KBTBD11: variants seen among roughly 807,000 people sequenced by gnomAD.
KBTBD11 encodes the protein kelch repeat and BTB domain-containing protein 11.
For synonymous variants in KBTBD11, 747 were observed against 499.0 expected (o/e 1.50, Z -6.63); for missense variants, 1,390 against 1,001.8 (o/e 1.39, Z -5.23).
chr8:1,992,304 G>A (rs1816948929), intron 1 of KBTBD11, among the ~76,000 whole-genome samples: 1 of 152,134 alleles, frequency 6.6e-6, no homozygotes, highest in Non-Finnish European at 1.5e-5. Context: ...CACCTGCACA[G>A]TTCCTGCACA....
intron 1 of KBTBD11, among the ~76,000 whole-genome samples, chr8:1,977,501 A>G (rs899565113): frequency 6.6e-6 from 1 of 152,020 alleles, no homozygotes; most frequent in Admixed American, 6.6e-5. Flanking sequence ...GTCCTCCTGC[A>G]GTAGTCAGAA....
At chr8:1,999,736 C>T (rs1817271231) in intron 1 of KBTBD11, among the ~76,000 whole-genome samples, 1 of 152,178 alleles carries the variant, frequency 6.6e-6, no homozygotes, top group Admixed American at 6.5e-5. Context: ...TGAATTCATG[C>T]TGTTGGCTGA....
Position 2,002,806 on chromosome 8 carries a change from C to A in KBTBD11, c.1614C>A (p.Val538=), listed in dbSNP as rs765045867. ...HCLAKQWSPC[V]APLRLPGGPT... ...TGGCCAAGCAGTGGAGCCCGTGCGT[C>A]GCGCCCCTGCGCCTCCCCGGCGGCC... The change falls in exon 2 of 2, where the codon GTC becomes GTA. Residue 538 remains valine (V), a synonymous_variant. Coordinates refer to ENST00000320248, the MANE Select transcript of KBTBD11 (RefSeq NM_014867.3). This position sits in a 1 kb window ranked among gnomAD's most constrained non-coding sequence, Gnocchi z 4.1. 1 of 1,438,938 alleles carries A rather than the reference C, an allele frequency of 6.9e-7. No homozygotes were observed. The highest frequency in any genetic ancestry group is 9.1e-7 in the Non-Finnish European group (1 of 1,104,708). The allele number at this position is 1,438,938 out of a possible 1,614,324, so 89.1% of individuals were successfully genotyped here. A position where few individuals can be genotyped will look rare whatever the true frequency, so the allele number is the denominator to read the frequency against.
In KBTBD11 at chr8:2,001,552, C is replaced by T. The variant is rs1585760616; in HGVS notation, c.360C>T (p.Pro120=). The change falls in exon 2 of 2, where the codon CCC becomes CCT. Residue 120 remains proline, a synonymous_variant. Transcript: ENST00000320248. ...TTTGGCTTGAGGACCCCGCGTCCCC[C>T]GAGGAGCCCGGGGAGCCCGCGCCCG... ...PRVWLEDPAS[P]EEPGEPAPVP... 1 of 1,437,294 alleles carries T rather than the reference C, an allele frequency of 7.0e-7. No homozygotes were observed. Among genetic ancestry groups the T allele is most frequent in the South Asian group, 1.4e-5 (1 of 73,286 alleles). The allele number at this position is 1,437,294 out of a possible 1,614,324, so 89.0% of individuals were successfully genotyped here.
intron 1 of KBTBD11, among the ~76,000 whole-genome samples, chr8:1,988,296 G>A (rs1315955915): frequency 6.6e-6 from 1 of 152,190 alleles, no homozygotes; most frequent in Non-Finnish European, 1.5e-5. Flanking sequence ...AGATCCCTGA[G>A]GAATCGCCAA....
chr8:1,977,186 A>G (rs1210806517), intron 1 of KBTBD11, among the ~76,000 whole-genome samples: 2 of 152,060 alleles, frequency 1.3e-5, no homozygotes, highest in Non-Finnish European at 2.9e-5. Context: ...AAAAGATTGG[A>G]GACCCCTGCT....
intron 1 of KBTBD11, among the ~76,000 whole-genome samples, chr8:1,997,488 A>C (rs930531415): frequency 6.6e-6 from 1 of 152,046 alleles, no homozygotes; most frequent in Non-Finnish European, 1.5e-5. Context: ...CATTTCCCAC[A>C]TGGTGTGTGA....
chr8:2,002,198 G>C lies in KBTBD11; in HGVS notation c.1006G>C (p.Glu336Gln). ...AVYCFHAAAG[E>Q]WRELTRLPEG... ...CTACTGCTTCCACGCGGCGGCCGGA[G>C]AGTGGCGCGAGCTGACGCGGCTGCC... is the stretch of plus-strand genomic sequence containing the variant. The change falls in exon 2 of 2, where the codon GAG (glutamate) becomes CAG (glutamine). Residue 336 changes from glutamate (E) to glutamine (Q), a missense_variant. Glu to Gln is a conservative substitution (Grantham distance 29). Transcript: ENST00000320248. The surrounding 1 kb of genome is among the most constrained non-coding windows in gnomAD (Gnocchi z 4.1). The C allele has an allele frequency of 1.6e-6, 2 of 1,257,652 alleles. No individual in the cohort carries two copies. Among genetic ancestry groups the C allele is most frequent in the Non-Finnish European group, 2.0e-6 (2 of 1,004,456 alleles). 77.9% of individuals were successfully genotyped at this position (1,257,652 alleles called of 1,614,324 possible). A position where few individuals can be genotyped will look rare whatever the true frequency, so the allele number is the denominator to read the frequency against.
chr8:1,979,089 C>G (rs967682681), intron 1 of KBTBD11, among the ~76,000 whole-genome samples: 2 of 152,052 alleles, frequency 1.3e-5, no homozygotes, highest in African/African-American at 4.8e-5. Context: ...TGTGTCTGCA[C>G]GTGTGAGAGG....
intron 1 of KBTBD11, among the ~76,000 whole-genome samples, chr8:1,987,983 T>G (rs905047264): frequency 2.6e-5 from 4 of 152,100 alleles, no homozygotes; most frequent in African/African-American, 9.7e-5. Context: ...ACATGTGGTG[T>G]TTGGTTTTCT....
Position 2,001,995 on chromosome 8 carries a change from G to A in KBTBD11, c.803G>A (p.Arg268His), listed in dbSNP as rs767953618. 5 of 1,426,328 alleles carry A rather than the reference G, an allele frequency of 3.5e-6. No homozygotes were observed. Among genetic ancestry groups the A allele is most frequent in the Non-Finnish European group, 4.6e-6 (5 of 1,083,516 alleles). The allele number at this position is 1,426,328 out of a possible 1,614,324, so 88.4% of individuals were successfully genotyped here. Residue 268 changes from arginine to histidine, a missense_variant, in exon 2 of 2, where the codon CGC (arginine) becomes CAC (histidine). Transcript: ENST00000320248. ...AGCGACCACTATCTGGAGGTGCTGC[G>A]CGAGCCCGCCGTGTTCGGCCGCCTG... ...FMSDHYLEVL[R>H]EPAVFGRLSG...
Position 2,005,886 on chromosome 8 carries a change from C to G in KBTBD11, c.*2822C>G, listed in dbSNP as rs1253849139. ...TTTGCTTAGTTGACAGCAATCCCTT[C>G]TGTATTGCCAATCAAGGTTCATTTG... On this transcript the variant is annotated 3_prime_UTR_variant, in exon 2 of 2. Coordinates refer to ENST00000320248, the MANE Select transcript of KBTBD11 (RefSeq NM_014867.3). 1 of 167,074 alleles carries G rather than the reference C, an allele frequency of 6.0e-6. No individual in the cohort carries two copies. The highest frequency in any genetic ancestry group is 2.4e-5 in the African/African-American group (1 of 41,456). The allele number at this position is 167,074 out of a possible 1,614,324, so 10.3% of individuals were successfully genotyped here.
At chr8:1,999,385 G>T (rs1345909136) in intron 1 of KBTBD11, among the ~76,000 whole-genome samples, 1 of 152,204 alleles carries the variant, frequency 6.6e-6, no homozygotes, top group Non-Finnish European at 1.5e-5. Flanking sequence ...TCTGTATAAA[G>T]ATAAGCCTGG....
At chr8:1,993,306 C>A (rs1003994216) in intron 1 of KBTBD11, among the ~76,000 whole-genome samples, 1 of 152,044 alleles carries the variant, frequency 6.6e-6, no homozygotes, top group Non-Finnish European at 1.5e-5. Flanking sequence ...AGCTAACATG[C>A]ATTCATCCAT....
rs908134367 is a variant in KBTBD11, at chr8:2,000,559, C to T, written c.-634C>T. On this transcript the variant is annotated 5_prime_UTR_variant, in exon 2 of 2. Coordinates refer to ENST00000320248, the MANE Select transcript of KBTBD11 (RefSeq NM_014867.3). ...AAGTGGGAGCCACAGAGAAGGAGAG[C>T]CCATAAGGGGACTCTTTTCAAGACA... The T allele has an allele frequency of 2.0e-5, 3 of 152,226 alleles. No homozygotes were observed. Among genetic ancestry groups the T allele is most frequent in the African/African-American group, 7.2e-5 (3 of 41,454 alleles). 9.4% of individuals were successfully genotyped at this position (152,226 alleles called of 1,614,324 possible).
intron 1 of KBTBD11, chr8:1,974,584 G>A: frequency 2.0e-6 from 2 of 984,990 alleles, no homozygotes; most frequent in African/African-American, 1.7e-5. Flanking sequence ...TGACCCCCGC[G>A]AGCCCCGAGC....
intron 1 of KBTBD11, among the ~76,000 whole-genome samples, chr8:1,984,382 G>A (rs1289042607): frequency 4.3e-5 from 6 of 140,252 alleles, no homozygotes; most frequent in African/African-American, 1.1e-4. Context: ...TCTGCCTCCC[G>A]GGTTCACGCC....
intron 1 of KBTBD11, among the ~76,000 whole-genome samples, chr8:1,978,093 A>G (rs1394582852): frequency 2.0e-5 from 3 of 152,154 alleles, no homozygotes; most frequent in Non-Finnish European, 2.9e-5. Flanking sequence ...GCACCTGTCA[A>G]CCCATCACCT....
At chr8:1,989,585 A>T (rs550755075) in intron 1 of KBTBD11, among the ~76,000 whole-genome samples, 4 of 152,266 alleles carry the variant, frequency 2.6e-5, no homozygotes, top group South Asian at 4.1e-4. Context: ...TGCATTTTTT[A>T]AAAAATCCAT....
Sources: gnomAD v4.1 joint callset for allele counts (sites outside exome capture counted in the v4.1 genomes callset) on GRCh38, gnomAD v4.1.1 for gene constraint, Gnocchi (gnomAD v3.1) non-coding constraint, MANE v1.5 for transcripts, NCBI Gene and HGNC (gene_info 2026-07-23, HGNC 2026-07-21) for gene names.